SERGEF: variants seen among roughly 807,000 people sequenced by gnomAD.
SERGEF encodes the protein secretion regulating guanine nucleotide exchange factor, also known as secretion-regulating guanine nucleotide exchange factor.
SERGEF carries 51 observed loss-of-function variants against 50.0 expected under a neutral mutation model. The ratio of observed to expected loss-of-function variants is 1.02; its 90% CI spans 0.81 to 1.29. The LOEUF is 1.29. SERGEF is among the 50% of genes most tolerant of loss of function. The pLI is 0.00. For missense variants in SERGEF, 521 were observed against 557.0 expected (o/e 0.94, Z 0.65); for synonymous variants, 205 against 212.4 (o/e 0.97, Z 0.30).
At chr11:17,909,470 G>C (rs1019018917) in intron 9 of SERGEF, among the ~76,000 whole-genome samples, 2 of 152,174 alleles carry the variant, frequency 1.3e-5, no homozygotes, top group Non-Finnish European at 2.9e-5. Context: ...GATTCTGCTG[G>C]AAAGGTCAAT....
intron 10 of SERGEF, among the ~76,000 whole-genome samples, chr11:17,808,131 A>C (rs1252141889): frequency 6.6e-6 from 1 of 152,136 alleles, no homozygotes; most frequent in Non-Finnish European, 1.5e-5. Flanking sequence ...TCCCACTACC[A>C]AGGGCCTGAA....
intron 9 of SERGEF, among the ~76,000 whole-genome samples, chr11:17,950,782 T>G (rs1306266083): frequency 6.6e-6 from 1 of 152,220 alleles, no homozygotes; most frequent in African/African-American, 2.4e-5. Context: ...TCTGCATGAT[T>G]TACTTTCACC....
At position 17,991,846 on chromosome 11, in the gene SERGEF, T is replaced by TA; in HGVS notation, c.685+1084_685+1085insT. 6.6e-6 allele frequency among the ~76,000 whole-genome samples: 1 copy of TA among 152,354 alleles called. No individual in the cohort carries two copies. The highest frequency in any genetic ancestry group is 2.4e-5 in the African/African-American group (1 of 41,580). Reference sequence around the variant, plus strand: ...TACCACCATTAATTTACATATATTATGGGCACACCTGAATTTCCACATAAA... The same window carrying TA: ...TACCACCATTAATTTACATATATTATAGGGCACACCTGAATTTCCACATAAA... On this transcript the variant is annotated intron_variant, in intron 7 of 10. Coordinates refer to ENST00000265965, the MANE Select transcript of SERGEF (RefSeq NM_012139.4). The surrounding 1 kb of genome is among the most constrained non-coding windows in gnomAD (Gnocchi z 4.9).
At chr11:17,875,774 T>A (rs970507945) in intron 10 of SERGEF, among the ~76,000 whole-genome samples, 2 of 152,246 alleles carry the variant, frequency 1.3e-5, no homozygotes, top group South Asian at 4.1e-4. Flanking sequence ...TCATCAGACA[T>A]TAAGGTTGCT....
chr11:17,946,077 A>G (rs999368799), intron 9 of SERGEF, among the ~76,000 whole-genome samples: 1 of 152,210 alleles, frequency 6.6e-6, no homozygotes, highest in African/African-American at 2.4e-5. Context: ...TTGGCCTTAG[A>G]ACTTTGGAAG....
chr11:17,901,352 G>T (rs1001781657), intron 9 of SERGEF, among the ~76,000 whole-genome samples: 3 of 152,174 alleles, frequency 2.0e-5, no homozygotes, highest in Admixed American at 2.0e-4. Flanking sequence ...CTAGACTTCA[G>T]CTCAGACTAG....
At chr11:17,989,914 A>C (rs540694765) in intron 7 of SERGEF, among the ~76,000 whole-genome samples, 1 of 152,376 alleles carries the variant, frequency 6.6e-6, no homozygotes, top group East Asian at 1.9e-4. Flanking sequence ...TATTAAAATT[A>C]ATCCCACCTG....
At chr11:17,905,183 G>T (rs542898486) in intron 9 of SERGEF, among the ~76,000 whole-genome samples, 2 of 152,264 alleles carry the variant, frequency 1.3e-5, no homozygotes, top group South Asian at 4.1e-4. Flanking sequence ...AATTTATTAG[G>T]GAGATTGCTT....
At chr11:17,894,831 T>C (rs925647855) in intron 9 of SERGEF, among the ~76,000 whole-genome samples, 2 of 152,302 alleles carry the variant, frequency 1.3e-5, no homozygotes, top group Admixed American at 6.5e-5. Context: ...CAGAGACTGA[T>C]GATCCTTCAG....
At chr11:17,913,510 G>A (rs1351757013) in intron 9 of SERGEF, among the ~76,000 whole-genome samples, 1 of 152,202 alleles carries the variant, frequency 6.6e-6, no homozygotes, top group African/African-American at 2.4e-5. Flanking sequence ...AGCTAGAGAA[G>A]ACACATACTG....
intron 9 of SERGEF, among the ~76,000 whole-genome samples, chr11:17,954,859 T>C (rs1223333147): frequency 6.6e-6 from 1 of 152,226 alleles, no homozygotes; most frequent in African/African-American, 2.4e-5. Flanking sequence ...GCCTTGGATC[T>C]TCTCCTAATT....
intron 8 of SERGEF, among the ~76,000 whole-genome samples, chr11:17,963,908 GAAGAA>G (rs1454022801): frequency 6.6e-6 from 1 of 152,088 alleles, no homozygotes; most frequent in Non-Finnish European, 1.5e-5. Context: ...AGTGAAAAGA[GAAGAA>G]AAGAAAGAAA....
In SERGEF at chr11:17,992,885, C is replaced by G. The variant is rs762721158; in HGVS notation, c.685+46G>C. ...TATCACCACTTCAGGCAGTCACATA[C>G]AGAATCCTGAATGGCATGTTAAACC... On this transcript the variant is annotated intron_variant, in intron 7 of 10. Coordinates refer to ENST00000265965, the MANE Select transcript of SERGEF (RefSeq NM_012139.4). The G allele has an allele frequency of 3.3e-6, 5 of 1,514,816 alleles. No homozygotes were observed. The South Asian group carries it at 5.6e-5, about 17-fold the overall frequency. The allele number at this position is 1,514,816 out of a possible 1,614,324, so 93.8% of individuals were successfully genotyped here. A position where few individuals can be genotyped will look rare whatever the true frequency, so the allele number is the denominator to read the frequency against.
chr11:17,891,265 T>C (rs1851528179), intron 9 of SERGEF, among the ~76,000 whole-genome samples: 1 of 152,204 alleles, frequency 6.6e-6, no homozygotes, highest in Non-Finnish European at 1.5e-5. Context: ...AGATGCAGAA[T>C]TGGCAAGACC....
chr11:18,012,744 G>A (rs1387554932), intron 1 of SERGEF: 19 of 1,372,934 alleles, frequency 1.4e-5, no homozygotes, highest in Non-Finnish European at 1.7e-5. Context: ...CAGCCGGCAG[G>A]CCCCTAAGTC....
chr11:17,958,098 G>C (rs189039546), intron 9 of SERGEF, among the ~76,000 whole-genome samples: 3 of 152,188 alleles, frequency 2.0e-5, no homozygotes, highest in Admixed American at 2.0e-4. Context: ...GAAAGAGAGA[G>C]AAAAAAAGAT....
Position 17,865,610 on chromosome 11 carries a change from G to A in SERGEF, c.1048+12598C>T, listed in dbSNP as rs183945649. ...GTGTGTTTGTGTTTTAAACAAAAAA[G>A]TTTAAAAAGCAAAATAATAATAATA... On this transcript the variant is annotated intron_variant, in intron 10 of 10. Transcript: ENST00000265965. 5.1e-4 allele frequency among the ~76,000 whole-genome samples: 78 copies of A among 151,712 alleles called. No individual in the cohort carries two copies. In the East Asian group the frequency reaches 7.2e-3, roughly 14 times the overall value.
intron 10 of SERGEF, among the ~76,000 whole-genome samples, chr11:17,811,513 C>T (rs1235437537): frequency 6.6e-6 from 1 of 152,212 alleles, no homozygotes; most frequent in Non-Finnish European, 1.5e-5. Context: ...TTCAAAAACC[C>T]GTCGTTTCCC....
intron 8 of SERGEF, among the ~76,000 whole-genome samples, chr11:17,984,317 A>G (rs1853552767): frequency 6.6e-6 from 1 of 152,216 alleles, no homozygotes; most frequent in Non-Finnish European, 1.5e-5. Context: ...CTGGAAGCGT[A>G]CAATCATGGT....
Sources: allele counts gnomAD v4.1 joint callset (sites outside exome capture counted in the v4.1 genomes callset), GRCh38; gene constraint gnomAD v4.1.1; non-coding constraint Gnocchi (gnomAD v3.1); transcripts MANE v1.5; gene names NCBI Gene and HGNC (gene_info 2026-07-23, HGNC 2026-07-21).